The following RUNX2 variants were observed in gnomAD, a reference collection of about 807,000 sequenced individuals.
The protein encoded by RUNX2 is RUNX family transcription factor 2, also known as runt-related transcription factor 2.
Under a neutral mutation model 51.7 loss-of-function variants are expected in RUNX2, and 10 were observed. The observed-to-expected ratio is 0.19, with a 90% confidence interval of 0.12 to 0.33. The LOEUF is 0.33. Ranked by LOEUF, RUNX2 falls within the 10% of genes least tolerant of loss-of-function variation. The pLI, the probability that RUNX2 is intolerant of heterozygous loss-of-function variation, is 1.00. For missense variants in RUNX2, 562 were observed against 691.3 expected, an observed-to-expected ratio of 0.81 and a Z score of 2.10; for synonymous variants, 276 against 273.6, an observed-to-expected ratio of 1.01 and a Z score of -0.09.
intron 5 of RUNX2, among the ~76,000 whole-genome samples, chr6:45,468,775 T>C (rs1265732555): frequency 1.3e-5 from 2 of 152,186 alleles, no homozygotes; most frequent in Admixed American, 1.3e-4. Flanking sequence ...TGTAGGACTG[T>C]CCCATTGCAG....
At chr6:45,385,295 C>T (rs139953256) in intron 2 of RUNX2, among the ~76,000 whole-genome samples, 3,297 of 152,280 alleles carry the variant, frequency 0.022, 55 homozygotes, top group Non-Finnish European at 0.032. Context: ...CATTCCACCT[C>T]ATTTGCAAGT....
intron 2 of RUNX2, among the ~76,000 whole-genome samples, chr6:45,345,219 A>G (rs1259176737): frequency 6.6e-6 from 1 of 152,162 alleles, no homozygotes; most frequent in East Asian, 1.9e-4. Flanking sequence ...AGTATTATAA[A>G]TAAAACTTCT....
intron 7 of RUNX2, among the ~76,000 whole-genome samples, chr6:45,542,371 G>A (rs1267128604): frequency 3.3e-5 from 5 of 152,098 alleles, no homozygotes; most frequent in African/African-American, 7.2e-5. Context: ...TGCTGCTGCC[G>A]CTGCTGTTAC....
intron 5 of RUNX2, among the ~76,000 whole-genome samples, chr6:45,453,801 A>T (rs1408327323): frequency 1.3e-5 from 2 of 152,230 alleles, no homozygotes; most frequent in Non-Finnish European, 2.9e-5. Context: ...GTATTTATGA[A>T]AGTCTACATT....
At chr6:45,496,980 A>T (rs1403824636) in intron 6 of RUNX2, among the ~76,000 whole-genome samples, 2 of 152,082 alleles carry the variant, frequency 1.3e-5, no homozygotes, top group African/African-American at 4.8e-5. Context: ...GGGCAATTGG[A>T]GGATGGTGGT....
At chr6:45,340,949 CAT>C (rs1789653107) in intron 2 of RUNX2, among the ~76,000 whole-genome samples, 1 of 152,136 alleles carries the variant, frequency 6.6e-6, no homozygotes, top group Non-Finnish European at 1.5e-5. Context: ...TACCCCTACA[CAT>C]ATGCTAAGTG....
At chr6:45,361,912 G>A (rs1340358052) in intron 2 of RUNX2, among the ~76,000 whole-genome samples, 6 of 152,128 alleles carry the variant, frequency 3.9e-5, no homozygotes, top group East Asian at 1.9e-4. Context: ...TCAGCCTGGC[G>A]TGGTAGCGCA....
intron 5 of RUNX2, among the ~76,000 whole-genome samples, chr6:45,487,994 A>G (rs1800333840): frequency 6.6e-6 from 1 of 152,166 alleles, no homozygotes; most frequent in Non-Finnish European, 1.5e-5. Context: ...TCTGAGGTCT[A>G]AGGGGTAAGA....
chr6:45,422,925 C>G lies in RUNX2; in HGVS notation c.391C>G (p.Arg131Gly). The G allele has an allele frequency of 6.2e-7, 1 of 1,612,340 alleles. No homozygotes were observed. Among genetic ancestry groups the G allele is most frequent in the Non-Finnish European group, 8.5e-7 (1 of 1,179,638 alleles). ...FLCSVLPSHWRCNKTLPVAFK... is the reference protein window; with the variant it reads ...FLCSVLPSHWGCNKTLPVAFK... ...GTGCTCGGTGCTGCCCTCGCACTGGCGCTGCAACAAGACCCTGCCCGTGGC... is the reference window on the plus strand; with the variant it reads ...GTGCTCGGTGCTGCCCTCGCACTGGGGCTGCAACAAGACCCTGCCCGTGGC... Residue 131 changes from arginine to glycine, a missense_variant, in exon 3 of 9, where the codon CGC becomes GGC. Around this residue, in one of 5 missense-constraint regions of RUNX2, gnomAD observed 67 missense variants for 106.5 expected, o/e 0.63. Transcript: ENST00000647337.
chr6:45,358,434 T>C (rs1277491101), intron 2 of RUNX2, among the ~76,000 whole-genome samples: 1 of 152,214 alleles, frequency 6.6e-6, no homozygotes, highest in African/African-American at 2.4e-5. Context: ...CATGCTATAA[T>C]GTAGACAAAT....
intron 2 of RUNX2, among the ~76,000 whole-genome samples, chr6:45,392,704 T>C (rs1349902739): frequency 1.5e-5 from 1 of 64,982 alleles, no homozygotes; most frequent in African/African-American, 4.1e-5. Flanking sequence ...AATGCCTAGA[T>C]CTATTTTTTT....
intron 5 of RUNX2, among the ~76,000 whole-genome samples, chr6:45,482,304 G>A (rs1158666894): frequency 6.6e-6 from 1 of 152,168 alleles, no homozygotes; most frequent in African/African-American, 2.4e-5. Flanking sequence ...GGATTATACT[G>A]TAAGCACGTG....
In RUNX2 at chr6:45,355,862, A is replaced by G. The variant is rs1302521015; in HGVS notation, c.58+27078A>G. ...CCAAAAAGAATGTTATTTTTGTTGA[A>G]TAAATAAATATTAATTGATTGCCAG... On this transcript the variant is annotated intron_variant, in intron 2 of 8. Coordinates refer to ENST00000647337, the MANE Select transcript of RUNX2 (RefSeq NM_001024630.4). Among the ~76,000 whole-genome samples, 4 of 152,166 alleles carry G rather than the reference A, an allele frequency of 2.6e-5. No homozygotes were observed. The South Asian group carries it at 8.3e-4, about 32-fold the overall frequency.
At chr6:45,494,299 G>A (rs914645408) in intron 6 of RUNX2, among the ~76,000 whole-genome samples, 5 of 152,172 alleles carry the variant, frequency 3.3e-5, no homozygotes, top group African/African-American at 1.2e-4. Flanking sequence ...TTCCCTGTTA[G>A]GGGGCTCAGG....
At chr6:45,347,483 T>C (rs1027103992) in intron 2 of RUNX2, among the ~76,000 whole-genome samples, 4 of 152,162 alleles carry the variant, frequency 2.6e-5, no homozygotes, top group South Asian at 2.1e-4. Flanking sequence ...TGTATCATTA[T>C]AGGCAAGATG....
chr6:45,412,417 G>A (rs1162063274), intron 2 of RUNX2, among the ~76,000 whole-genome samples: 2 of 151,942 alleles, frequency 1.3e-5, no homozygotes, highest in African/African-American at 4.8e-5. Context: ...AGATTCTTTT[G>A]TACGTATGAG....
In RUNX2 at chr6:45,422,891, C is replaced by T; in HGVS notation, c.357C>T (p.Pro119=). ...CCGAACTCGTCCGCACCGACAGCCC[C>T]AACTTCCTGTGCTCGGTGCTGCCCT... The part of the protein sequence containing the change: ...HPAELVRTDS[P]NFLCSVLPSH... Residue 119 remains proline, a synonymous_variant, in exon 3 of 9, where the codon CCC becomes CCT. Transcript: ENST00000647337. The T allele has an allele frequency of 6.2e-7, 1 of 1,612,910 alleles. No homozygotes were observed. The highest frequency in any genetic ancestry group is 8.5e-7 in the Non-Finnish European group (1 of 1,179,668).
At chr6:45,402,655 C>T (rs1434652904) in intron 2 of RUNX2, among the ~76,000 whole-genome samples, 1 of 152,088 alleles carries the variant, frequency 6.6e-6, no homozygotes, top group Non-Finnish European at 1.5e-5. Context: ...TTGCTTGAGG[C>T]CGGGAGTTCA....
chr6:45,410,577 A>T (rs758814723), intron 2 of RUNX2, among the ~76,000 whole-genome samples: 2 of 152,202 alleles, frequency 1.3e-5, no homozygotes, highest in Non-Finnish European at 2.9e-5. Flanking sequence ...ACATGGCTCC[A>T]GGGGACACTA....
Sources: allele counts gnomAD v4.1 joint callset (sites outside exome capture counted in the v4.1 genomes callset), GRCh38; gene constraint gnomAD v4.1.1; regional missense constraint gnomAD v4.1.1; transcripts MANE v1.5; gene names NCBI Gene and HGNC (gene_info 2026-07-23, HGNC 2026-07-21).